Variants in EDA observed in about 807,000 individuals in gnomAD.
EDA encodes the protein ectodysplasin A, also known as ectodysplasin-A.
In EDA, 2 loss-of-function variants were observed where a neutral mutation model predicts 23.6. The ratio of observed to expected loss-of-function variants is 0.08; its 90% CI spans 0.03 to 0.27. EDA has a LOEUF of 0.27. EDA is among the 10% of genes least tolerant of loss of function. The probability of loss-of-function intolerance (pLI) is 1.00; values close to 1 mark genes in which losing one functional copy is unlikely to be tolerated. For synonymous variants in EDA, 131 were observed against 132.0 expected (o/e 0.99, Z 0.05); for missense variants, 229 against 324.2 (o/e 0.71, Z 2.26).
At chrX:69,883,963 G>T (rs928241460) in intron 1 of EDA, among the ~76,000 whole-genome samples, 3 of 110,589 alleles carry the variant, frequency 2.7e-5, no homozygotes, top group Non-Finnish European at 5.7e-5. Flanking sequence ...AATTAGCCAG[G>T]CGTGGTGGGA....
chrX:69,834,766 C>A (rs1344052687), intron 1 of EDA, among the ~76,000 whole-genome samples: 1 of 111,365 alleles, frequency 9.0e-6, no homozygotes, highest in Non-Finnish European at 1.9e-5. Context: ...ATGATGTTAG[C>A]TGGTTATTTT....
chrX:69,696,250 A>C (rs1481631098), intron 1 of EDA, among the ~76,000 whole-genome samples: 1 of 110,950 alleles, frequency 9.0e-6, no homozygotes, highest in African/African-American at 3.3e-5. Context: ...AAAAAAAAAA[A>C]AACGTGGATC....
intron 1 of EDA, among the ~76,000 whole-genome samples, chrX:69,893,866 T>C (rs1469470064): frequency 2.7e-5 from 3 of 112,213 alleles, no homozygotes; most frequent in African/African-American, 9.7e-5. Flanking sequence ...TCTCTCTGGA[T>C]TTCAATTTGC....
intron 2 of EDA, among the ~76,000 whole-genome samples, chrX:70,004,349 TTGGGA>T (rs1366656358): frequency 9.0e-6 from 1 of 111,546 alleles, no homozygotes; most frequent in Non-Finnish European, 1.9e-5. Flanking sequence ...ATACTTGAGA[TTGGGA>T]TGGGATGGGG....
At chrX:69,697,853 C>A (rs2011405438) in intron 1 of EDA, among the ~76,000 whole-genome samples, 1 of 111,970 alleles carries the variant, frequency 8.9e-6, no homozygotes, top group Non-Finnish European at 1.9e-5. Flanking sequence ...TTTTTGTTAT[C>A]GTCTATGTTA....
At chrX:69,863,776 TGA>T (rs2017440275) in intron 1 of EDA, among the ~76,000 whole-genome samples, 1 of 108,239 alleles carries the variant, frequency 9.2e-6, no homozygotes, top group African/African-American at 3.4e-5. Flanking sequence ...CTGTGCAAAG[TGA>T]GAGAGGGAAT....
chrX:69,782,349 A>G (rs938780615), intron 1 of EDA, among the ~76,000 whole-genome samples: 1 of 94,721 alleles, frequency 1.1e-5, no homozygotes, highest in Non-Finnish European at 2.1e-5. Context: ...GTGTAGACAA[A>G]TAACATTAAA....
chrX:69,718,071 C>T (rs933333914), intron 1 of EDA, among the ~76,000 whole-genome samples: 1 of 111,923 alleles, frequency 8.9e-6, no homozygotes, highest in Non-Finnish European at 1.9e-5. Flanking sequence ...GTTTCCTATA[C>T]AACCAGTGGA....
intron 1 of EDA, among the ~76,000 whole-genome samples, chrX:69,728,160 A>G (rs1376072987): frequency 2.8e-5 from 3 of 108,399 alleles, no homozygotes; most frequent in Admixed American, 9.9e-5. Context: ...TGGGAGAATC[A>G]CTTGAACAAG....
At chrX:70,032,264 G>GAA (rs781197702) in intron 6 of EDA, among the ~76,000 whole-genome samples, 3 of 90,099 alleles carry the variant, frequency 3.3e-5, no homozygotes, top group Non-Finnish European at 6.7e-5. Context: ...GTCCATCTCA[G>GAA]AAAAAAAAAA....
Position 69,818,527 on chromosome X carries a change from AG to A in EDA, c.397-138495del, listed in dbSNP as rs1165452871. Among the ~76,000 whole-genome samples the A allele has an allele frequency of 3.6e-5, 4 of 111,865 alleles. 1 individual carries two copies. The Admixed American group carries it at 3.8e-4, about 11-fold the overall frequency. On this transcript the variant is annotated intron_variant, in intron 1 of 7. Coordinates refer to ENST00000374552, the MANE Select transcript of EDA (RefSeq NM_001399.5). Reference sequence around the variant, plus strand: ...CAAATAAACACAATCAGAAATTATAAGGGGGATATCACCACTGACCCCACAG... The same window carrying A: ...CAAATAAACACAATCAGAAATTATAAGGGGATATCACCACTGACCCCACAG...
intron 1 of EDA, among the ~76,000 whole-genome samples, chrX:69,788,464 G>A (rs1316115438): frequency 8.9e-6 from 1 of 111,975 alleles, no homozygotes; most frequent in Non-Finnish European, 1.9e-5. Context: ...GTACAGATGG[G>A]TTTTTGGTGT....
intron 1 of EDA, among the ~76,000 whole-genome samples, chrX:69,631,848 A>C (rs1932607135): frequency 9.0e-6 from 1 of 111,535 alleles, no homozygotes; most frequent in Admixed American, 9.5e-5. Flanking sequence ...AGAAGGCTGA[A>C]ATTGGGAATT....
At chrX:69,741,344 C>T (rs2013454451) in intron 1 of EDA, among the ~76,000 whole-genome samples, 1 of 111,425 alleles carries the variant, frequency 9.0e-6, no homozygotes, top group South Asian at 3.8e-4. Context: ...CACCCCCTTC[C>T]CCAGTTCAAG....
At chrX:69,950,096 T>C (rs1441910186) in intron 1 of EDA, among the ~76,000 whole-genome samples, 2 of 82,886 alleles carry the variant, frequency 2.4e-5, no homozygotes, top group African/African-American at 9.1e-5. Context: ...AAATGGGATC[T>C]AATTAAACTA....
intron 2 of EDA, among the ~76,000 whole-genome samples, chrX:69,987,325 TA>T (rs1280106347): frequency 1.4e-4 from 12 of 87,963 alleles, no homozygotes; most frequent in South Asian, 1.0e-3. Context: ...AATAAATAAA[TA>T]AAAAAAAAAT....
rs1336859166 is a variant in EDA, at chrX:69,980,553, A to G, written c.502+23421A>G. On this transcript the variant is annotated intron_variant, in intron 2 of 7. Coordinates refer to ENST00000374552, the MANE Select transcript of EDA (RefSeq NM_001399.5). ...CATTTAAAAAATCTAGACCTCTAAGATTCCTCTCAGCCATGAAATTATGTT... is the reference window on the plus strand; with the variant it reads ...CATTTAAAAAATCTAGACCTCTAAGGTTCCTCTCAGCCATGAAATTATGTT... 4.4e-5 allele frequency among the ~76,000 whole-genome samples: 5 copies of G among 112,554 alleles called. No individual in the cohort carries two copies. In the South Asian group the frequency reaches 1.5e-3, roughly 33 times the overall value.
At chrX:69,831,195 C>T (rs1010486500) in intron 1 of EDA, among the ~76,000 whole-genome samples, 3 of 111,373 alleles carry the variant, frequency 2.7e-5, no homozygotes, top group African/African-American at 9.8e-5. Flanking sequence ...GGTACTACTC[C>T]TAATGCTATA....
Position 70,029,585 on chromosome X carries a change from G to C in EDA, c.741+47G>C, listed in dbSNP as rs140058036. The C allele has an allele frequency of 0.052, 59,805 of 1,157,954 alleles. 1,218 individuals are homozygous for C. Among genetic ancestry groups the C allele is most frequent in the Non-Finnish European group, 0.062 (52,808 of 847,386 alleles). On this transcript the variant is annotated intron_variant, in intron 5 of 7. Coordinates refer to ENST00000374552, the MANE Select transcript of EDA (RefSeq NM_001399.5). ...TCCTGGGTAGGAGGGAAAGCCACAG[G>C]CTAGAGCCACCTTTAAATTAGCTTC...
Sources: gnomAD v4.1 joint callset for allele counts (sites outside exome capture counted in the v4.1 genomes callset) on GRCh38, gnomAD v4.1.1 for gene constraint, MANE v1.5 for transcripts, NCBI Gene and HGNC (gene_info 2026-07-23, HGNC 2026-07-21) for gene names.